ATF7IP2: variants seen among roughly 807,000 people sequenced by gnomAD.
ATF7IP2 encodes the protein activating transcription factor 7 interacting protein 2.
ATF7IP2 carries 42 observed loss-of-function variants against 64.2 expected under a neutral mutation model. That is an observed-to-expected ratio of 0.65 (90% confidence interval 0.51 to 0.85). ATF7IP2 has a LOEUF of 0.85. Ranked by LOEUF, ATF7IP2 falls within the 40% of genes least tolerant of loss-of-function variation. The pLI is 0.00. For synonymous variants in ATF7IP2, 308 were observed against 272.8 expected (o/e 1.13, Z -1.27); for missense variants, 933 against 784.2 (o/e 1.19, Z -2.27).
At chr16:10,449,859 T>C (rs2141977511) in intron 8 of ATF7IP2, 1 of 152,350 alleles carries the variant, frequency 6.6e-6, no homozygotes, top group East Asian at 1.9e-4. Context: ...TTTCTTGTCT[T>C]CTGCTAGCTT....
chr16:10,466,831 T>A (rs2049591976), intron 9 of ATF7IP2, among the ~76,000 whole-genome samples: 1 of 152,096 alleles, frequency 6.6e-6, no homozygotes, highest in South Asian at 2.1e-4. Context: ...GAATGCTCTA[T>A]CTTTTTTAAC....
chr16:10,412,550 A>G (rs1050261084), intron 1 of ATF7IP2, among the ~76,000 whole-genome samples: 4 of 152,164 alleles, frequency 2.6e-5, no homozygotes, highest in Admixed American at 1.3e-4. Context: ...TGCTTGATAT[A>G]ATTTCAATTT....
In ATF7IP2 at chr16:10,395,571, A is replaced by G. The variant is rs1360153557; in HGVS notation, c.-242+9449A>G. Among the ~76,000 whole-genome samples, 3 of 152,200 alleles carry G rather than the reference A, an allele frequency of 2.0e-5. No individual in the cohort carries two copies. In the South Asian group the frequency reaches 6.2e-4, roughly 31 times the overall value. On this transcript the variant is annotated intron_variant, in intron 1 of 13. Coordinates refer to ENST00000562102, the MANE Select transcript of ATF7IP2 (RefSeq NM_001393719.1). ...CAAATACTAGTAATTTGAAATTAAC[A>G]TAAAAGGATTATACACCATGACCAA...
At position 10,460,998 on chromosome 16, in the gene ATF7IP2, A is replaced by T. The variant is rs1182636530; in HGVS notation, c.1352+3469A>T. On this transcript the variant is annotated intron_variant, in intron 9 of 13. Coordinates refer to ENST00000562102, the MANE Select transcript of ATF7IP2 (RefSeq NM_001393719.1). ...AAAGAACTTCAACAAGTCAATGAGT[A>T]AAAGCCAAATAATACAAAAGAAAAA... Among the ~76,000 whole-genome samples the T allele has an allele frequency of 3.9e-5, 6 of 152,180 alleles. No individual in the cohort carries two copies. The East Asian group carries it at 1.2e-3, about 29-fold the overall frequency.
intron 3 of ATF7IP2, among the ~76,000 whole-genome samples, chr16:10,426,095 C>T (rs1183659855): frequency 6.6e-6 from 1 of 152,086 alleles, no homozygotes; most frequent in Non-Finnish European, 1.5e-5. Flanking sequence ...AAAATAAATT[C>T]TAGATGGATT....
At chr16:10,408,018 T>C (rs1191213052) in intron 1 of ATF7IP2, among the ~76,000 whole-genome samples, 1 of 152,058 alleles carries the variant, frequency 6.6e-6, no homozygotes, top group African/African-American at 2.4e-5. Context: ...TTCAAGCGAT[T>C]CTCCAGCCTC....
intron 1 of ATF7IP2, among the ~76,000 whole-genome samples, chr16:10,412,580 T>C (rs1025066286): frequency 1.3e-5 from 2 of 152,210 alleles, no homozygotes; most frequent in African/African-American, 4.8e-5. Context: ...TATTGAGGCT[T>C]GTTTTGTAGC....
At chr16:10,413,728 G>T (rs1259143537) in intron 1 of ATF7IP2, among the ~76,000 whole-genome samples, 1 of 152,140 alleles carries the variant, frequency 6.6e-6, no homozygotes, top group Admixed American at 6.6e-5. Context: ...TGTTAGCTTG[G>T]TAGTGATGAA....
At chr16:10,424,712 A>G (rs929100566) in intron 3 of ATF7IP2, among the ~76,000 whole-genome samples, 2 of 152,230 alleles carry the variant, frequency 1.3e-5, no homozygotes, top group African/African-American at 4.8e-5. Context: ...GAAGATGCAC[A>G]AGCCTCCAAG....
At chr16:10,447,447 A>G (rs1324701136) in intron 8 of ATF7IP2, 2 of 152,176 alleles carry the variant, frequency 1.3e-5, no homozygotes, top group East Asian at 3.9e-4. Context: ...ATTGTTAGAA[A>G]TGAGCTGGGA....
intron 9 of ATF7IP2, among the ~76,000 whole-genome samples, chr16:10,464,421 G>A (rs909573640): frequency 6.6e-6 from 1 of 152,148 alleles, no homozygotes; most frequent in East Asian, 1.9e-4. Flanking sequence ...CGTGTCTATA[G>A]TATGGCTAGA....
chr16:10,424,496 T>C (rs1387141330), intron 3 of ATF7IP2, among the ~76,000 whole-genome samples: 2 of 152,234 alleles, frequency 1.3e-5, no homozygotes, highest in Non-Finnish European at 2.9e-5. Context: ...TTAGAAATTA[T>C]GCTTTATGAA....
In ATF7IP2 at chr16:10,393,975, A is replaced by C. The variant is rs1352120717; in HGVS notation, c.-242+7853A>C. 2.0e-5 allele frequency among the ~76,000 whole-genome samples: 3 copies of C among 152,166 alleles called. No homozygotes were observed. In the East Asian group the frequency reaches 5.8e-4, roughly 29 times the overall value. On this transcript the variant is annotated intron_variant, in intron 1 of 13. Transcript: ENST00000562102. The stretch of plus-strand genomic sequence containing the variant: ...GAAGATCACTTGAGCCCAGGAGTTC[A>C]AGGCTGCAGTGAGCTCTGATCTCAG...
chr16:10,421,370 G>A (rs11644954), intron 3 of ATF7IP2, among the ~76,000 whole-genome samples: 118,679 of 152,076 alleles, frequency 0.78, 46,908 homozygotes, highest in African/African-American at 0.9. Context: ...CTGGAACTCT[G>A]CCTCCACCTC....
intron 1 of ATF7IP2, among the ~76,000 whole-genome samples, chr16:10,402,656 G>C (rs545128121): frequency 6.6e-6 from 1 of 152,008 alleles, no homozygotes; most frequent in Non-Finnish European, 1.5e-5. Context: ...GTAGAAACAG[G>C]GTTTCACCAT....
At chr16:10,457,609 T>C in intron 9 of ATF7IP2, 80 bp downstream of exon 9, 2 of 1,054,284 alleles carry the variant, frequency 1.9e-6, no homozygotes, top group Admixed American at 2.8e-5. Context: ...TTTGGATCTT[T>C]GTAATATTGA....
intron 1 of ATF7IP2, among the ~76,000 whole-genome samples, chr16:10,413,856 G>C (rs2047819021): frequency 6.6e-6 from 1 of 152,138 alleles, no homozygotes; most frequent in Non-Finnish European, 1.5e-5. Flanking sequence ...GCTGAAGATA[G>C]GGCCCCAAAT....
At chr16:10,437,022 A>ATTT (rs71402484) in intron 6 of ATF7IP2, among the ~76,000 whole-genome samples, 3 of 141,070 alleles carry the variant, frequency 2.1e-5, no homozygotes, top group Non-Finnish European at 3.1e-5. Flanking sequence ...TATTTTTCCC[A>ATTT]TTTTTTTTTT....
intron 9 of ATF7IP2, 68 bp downstream of exon 9, chr16:10,457,597 G>A: frequency 8.4e-7 from 1 of 1,192,402 alleles, no homozygotes; most frequent in South Asian, 1.8e-5. Context: ...CTTCATCACA[G>A]TTTTGGATCT....
Sources: allele counts gnomAD v4.1 joint callset (sites outside exome capture counted in the v4.1 genomes callset), GRCh38; gene constraint gnomAD v4.1.1; transcripts MANE v1.5; gene names NCBI Gene and HGNC (gene_info 2026-07-23, HGNC 2026-07-21).